STK3: variants seen among roughly 807,000 people sequenced by gnomAD.
STK3 encodes the protein serine/threonine kinase 3, also known as serine/threonine-protein kinase 3.
In STK3, 41 loss-of-function variants were observed where a neutral mutation model predicts 58.0. The observed-to-expected ratio is 0.71, with a 90% CI of 0.55 to 0.92. The LOEUF (loss-of-function observed/expected upper bound fraction) is 0.92. Ranked by LOEUF, STK3 falls within the 40% of genes least tolerant of loss-of-function variation. The pLI is 0.00. For missense variants in STK3, 479 were observed against 602.7 expected (o/e 0.79, Z 2.15); for synonymous variants, 170 against 191.0 (o/e 0.89, Z 0.91).
chr8:98,789,617 C>A (rs973917226), intron 1 of STK3, among the ~76,000 whole-genome samples: 7 of 152,088 alleles, frequency 4.6e-5, no homozygotes, highest in Non-Finnish European at 1.0e-4. Flanking sequence ...TTCAAGGCTA[C>A]TATGAACCCC....
chr8:98,772,556 G>A (rs1219353401), intron 2 of STK3, among the ~76,000 whole-genome samples: 1 of 151,992 alleles, frequency 6.6e-6, no homozygotes, highest in Non-Finnish European at 1.5e-5. Context: ...AAAATTAGCT[G>A]GGCGTGGTGG....
Position 98,706,648 on chromosome 8 carries a change from A to G in STK3, c.517-14T>C, listed in dbSNP as rs1248700204. The G allele has an allele frequency of 6.4e-7, 1 of 1,565,178 alleles. No individual in the cohort carries two copies. On this transcript the variant is annotated splice_polypyrimidine_tract_variant and intron_variant, in intron 5 of 10. Coordinates refer to ENST00000419617, the MANE Select transcript of STK3 (RefSeq NM_006281.4). ...TGCCATTGTATCCTGCAATAATGTTACATAGCCATAAATGCTACTACAAAA... is the reference window on the plus strand; with the variant it reads ...TGCCATTGTATCCTGCAATAATGTTGCATAGCCATAAATGCTACTACAAAA...
upstream of STK3, among the ~76,000 whole-genome samples, chr8:98,827,073 C>T (rs1159913921): frequency 7.3e-6 from 1 of 136,106 alleles, no homozygotes; most frequent in Non-Finnish European, 1.6e-5. Context: ...CGGTGGCTCA[C>T]GCCTGTAATC....
intron 3 of STK3, among the ~76,000 whole-genome samples, chr8:98,853,659 A>G (rs1203653875): frequency 6.6e-6 from 1 of 152,228 alleles, no homozygotes; most frequent in African/African-American, 2.4e-5. Context: ...GTGCTCCACA[A>G]TGCTAGTGCT....
Position 98,522,119 on chromosome 8 carries a change from T to C in STK3, c.1317+4623A>G, listed in dbSNP as rs143071519. 4.9e-4 allele frequency among the ~76,000 whole-genome samples: 74 copies of C among 152,286 alleles called. 1 individual carries two copies. The East Asian group carries it at 0.011, about 23-fold the overall frequency. The stretch of plus-strand genomic sequence containing the variant: ...TACAAAATCTATGAGGGGCTAAAAA[T>C]GTTTCCAAAAGTTACTTTCAGGAGT... On this transcript the variant is annotated intron_variant, in intron 10 of 10. Transcript: ENST00000419617.
chr8:98,764,709 G>C (rs957977155), intron 3 of STK3, among the ~76,000 whole-genome samples: 2 of 152,186 alleles, frequency 1.3e-5, no homozygotes, highest in South Asian at 2.1e-4. Context: ...ATTAGTATCT[G>C]AGTAACCATT....
intron 4 of STK3, among the ~76,000 whole-genome samples, chr8:98,741,444 C>G (rs181788999): frequency 7.4e-4 from 112 of 152,330 alleles, no homozygotes; most frequent in Admixed American, 1.2e-3. Context: ...AAGACACTCA[C>G]TCAAAACCAC....
At chr8:98,798,014 TC>T (rs1299229726) in intron 1 of STK3, among the ~76,000 whole-genome samples, 1 of 152,160 alleles carries the variant, frequency 6.6e-6, no homozygotes, top group African/African-American at 2.4e-5. Context: ...AGAGAAGCAA[TC>T]TTTTTTAAAA....
chr8:98,611,416 T>G (rs1175114184), intron 6 of STK3, among the ~76,000 whole-genome samples: 1 of 152,040 alleles, frequency 6.6e-6, no homozygotes, highest in Non-Finnish European at 1.5e-5. Flanking sequence ...CTCAGAAATT[T>G]AGTGTGAAAT....
intron 10 of STK3, among the ~76,000 whole-genome samples, chr8:98,461,411 T>C (rs1819965323): frequency 2.6e-5 from 4 of 152,200 alleles, no homozygotes; most frequent in Admixed American, 2.6e-4. Flanking sequence ...ACAGCAGATA[T>C]GTGGTTTGTA....
chr8:98,887,174 T>C (rs556104045), intron 1 of STK3, among the ~76,000 whole-genome samples: 44 of 152,342 alleles, frequency 2.9e-4, no homozygotes, highest in African/African-American at 1.0e-3. Context: ...ATAGTTGTTA[T>C]GGTGTCTTTT....
chr8:98,756,969 T>G (rs1195332211), intron 3 of STK3, among the ~76,000 whole-genome samples: 1 of 152,112 alleles, frequency 6.6e-6, no homozygotes, highest in Non-Finnish European at 1.5e-5. Context: ...TTACCCTATC[T>G]CACCTGTCCC....
At chr8:98,632,563 A>G (rs1438355317) in intron 6 of STK3, among the ~76,000 whole-genome samples, 3 of 152,248 alleles carry the variant, frequency 2.0e-5, no homozygotes, top group African/African-American at 7.2e-5. Flanking sequence ...TCTGACGCAG[A>G]GGAAAATTTT....
intron 7 of STK3, among the ~76,000 whole-genome samples, chr8:98,589,085 T>C (rs1229041155): frequency 1.1e-4 from 16 of 152,176 alleles, no homozygotes; most frequent in Admixed American, 1.0e-3. Context: ...TCTGAAGCCT[T>C]CTTCTCTCAG....
intron 4 of STK3, among the ~76,000 whole-genome samples, chr8:98,717,272 T>G (rs1827091334): frequency 1.3e-5 from 2 of 150,814 alleles, no homozygotes; most frequent in African/African-American, 4.9e-5. Flanking sequence ...CATTTAAAAA[T>G]TACGTATCTG....
At chr8:98,614,575 A>G (rs942353662) in intron 6 of STK3, among the ~76,000 whole-genome samples, 1 of 151,986 alleles carries the variant, frequency 6.6e-6, no homozygotes, top group African/African-American at 2.4e-5. Flanking sequence ...GGAGTGCCAG[A>G]CAGTGGGCGC....
chr8:98,400,102 C>G (rs1001024928), downstream of STK3, among the ~76,000 whole-genome samples: 5 of 152,166 alleles, frequency 3.3e-5, no homozygotes, highest in African/African-American at 1.2e-4. Flanking sequence ...TCCCTCCAGA[C>G]CCATGCTCAG....
At chr8:98,895,380 T>C (rs1329290608) in intron 1 of STK3, among the ~76,000 whole-genome samples, 1 of 152,146 alleles carries the variant, frequency 6.6e-6, no homozygotes, top group East Asian at 1.9e-4. Flanking sequence ...TTATTTCTTT[T>C]TACTAGACTA....
chr8:98,636,682 A>G (rs893704308), intron 6 of STK3, among the ~76,000 whole-genome samples: 2 of 152,168 alleles, frequency 1.3e-5, no homozygotes, highest in Non-Finnish European at 2.9e-5. Flanking sequence ...CAGAATTTGC[A>G]TTTCAGGATG....
Sources: gnomAD v4.1 joint callset for allele counts (sites outside exome capture counted in the v4.1 genomes callset) on GRCh38, gnomAD v4.1.1 for gene constraint, MANE v1.5 for transcripts, NCBI Gene and HGNC (gene_info 2026-07-23, HGNC 2026-07-21) for gene names.